CSMD3: variants seen among roughly 807,000 people sequenced by gnomAD.
The protein encoded by CSMD3 is CUB and Sushi multiple domains 3, also known as CUB and sushi domain-containing protein 3.
A neutral mutation model predicts 435.2 loss-of-function variants in CSMD3; 177 were observed. The ratio of observed to expected loss-of-function variants is 0.41; its 90% confidence interval spans 0.36 to 0.46. The LOEUF (loss-of-function observed/expected upper bound fraction) is 0.46, where lower values mean the gene tolerates loss of function less well. CSMD3 is among the 20% of genes least tolerant of loss of function. CSMD3 has a pLI of 0.34. For synonymous variants in CSMD3, 1,656 were observed against 1,520.5 expected (o/e 1.09, Z -2.07); for missense variants, 4,265 against 4,504.6 (o/e 0.95, Z 1.52).
chr8:112,663,691 C>A (rs2075446213), intron 17 of CSMD3, among the ~76,000 whole-genome samples: 1 of 151,884 alleles, frequency 6.6e-6, no homozygotes, highest in Non-Finnish European at 1.5e-5. Flanking sequence ...GAGATACAAG[C>A]AATTATTCCT....
chr8:112,474,580 A>C (rs993487141), intron 31 of CSMD3, among the ~76,000 whole-genome samples: 5 of 152,166 alleles, frequency 3.3e-5, no homozygotes, highest in Non-Finnish European at 5.9e-5. Context: ...ACTTGAGAAA[A>C]GGAGATTAGA....
intron 2 of CSMD3, chr8:113,312,680 A>G (rs1362120249): frequency 6.6e-6 from 1 of 152,184 alleles, no homozygotes; most frequent in African/African-American, 2.4e-5. Context: ...ATTTTTATAT[A>G]TTTAGGAAAA....
intron 35 of CSMD3, among the ~76,000 whole-genome samples, chr8:112,403,714 A>T (rs894112207): frequency 1.3e-5 from 2 of 151,528 alleles, no homozygotes; most frequent in Admixed American, 6.6e-5. Context: ...ACTTCTTAAT[A>T]CCCCCACATG....
At chr8:112,676,056 T>A (rs540964263) in intron 16 of CSMD3, among the ~76,000 whole-genome samples, 1 of 152,110 alleles carries the variant, frequency 6.6e-6, no homozygotes, top group African/African-American at 2.4e-5. Context: ...AGAGTTGCTA[T>A]TAATAATGGA....
chr8:112,976,804 C>A (rs1334684229), intron 6 of CSMD3, among the ~76,000 whole-genome samples: 1 of 151,786 alleles, frequency 6.6e-6, no homozygotes, highest in Non-Finnish European at 1.5e-5. Context: ...TTAGTTTAAC[C>A]AATTCTGAAC....
At chr8:112,522,465 G>A (rs1239042473) in intron 27 of CSMD3, among the ~76,000 whole-genome samples, 3 of 151,700 alleles carry the variant, frequency 2.0e-5, no homozygotes, top group Middle Eastern at 3.2e-3. Flanking sequence ...TAAGTAACAC[G>A]TCCTTATCAA....
chr8:112,471,751 C>A (rs1818545881), intron 32 of CSMD3, among the ~76,000 whole-genome samples: 1 of 152,168 alleles, frequency 6.6e-6, no homozygotes, highest in South Asian at 2.1e-4. Context: ...TGTCCTTCTG[C>A]TGATATACTG....
chr8:113,031,256 A>G (rs1226378008), intron 5 of CSMD3, among the ~76,000 whole-genome samples: 2 of 151,738 alleles, frequency 1.3e-5, no homozygotes, highest in Non-Finnish European at 2.9e-5. Flanking sequence ...ATGGTCTACA[A>G]CAGGTGAATG....
chr8:113,137,120 T>C (rs2091436410), intron 4 of CSMD3, among the ~76,000 whole-genome samples: 1 of 151,614 alleles, frequency 6.6e-6, no homozygotes, highest in Non-Finnish European at 1.5e-5. Context: ...TTGCCAAGAA[T>C]AATGAAGGTA....
chr8:112,554,752 G>A (rs1253344106), intron 25 of CSMD3, among the ~76,000 whole-genome samples: 1 of 151,912 alleles, frequency 6.6e-6, no homozygotes, highest in Non-Finnish European at 1.5e-5. Flanking sequence ...AGTGTTTAAA[G>A]AAGAGATACA....
intron 4 of CSMD3, among the ~76,000 whole-genome samples, chr8:113,150,331 C>G (rs2131779730): frequency 6.6e-6 from 1 of 151,976 alleles, no homozygotes; most frequent in East Asian, 1.9e-4. Flanking sequence ...CAGGTGAGGT[C>G]TTAGAAGTGA....
intron 2 of CSMD3, among the ~76,000 whole-genome samples, chr8:113,301,477 T>C (rs984279037): frequency 6.6e-6 from 1 of 152,024 alleles, no homozygotes; most frequent in Non-Finnish European, 1.5e-5. Flanking sequence ...ACTGTTATAG[T>C]TAGAAAACAT....
intron 32 of CSMD3, among the ~76,000 whole-genome samples, chr8:112,460,642 C>A (rs1376116631): frequency 1.3e-5 from 2 of 151,956 alleles, no homozygotes; most frequent in Non-Finnish European, 2.9e-5. Flanking sequence ...TTTTAATGGG[C>A]AAACTCTGTT....
chr8:112,688,374 A>G (rs558193252), intron 14 of CSMD3, among the ~76,000 whole-genome samples: 1 of 152,254 alleles, frequency 6.6e-6, no homozygotes, highest in South Asian at 2.1e-4. Flanking sequence ...ATGATACTTA[A>G]GCATCCACAG....
chr8:112,850,656 G>T (rs1029694926), intron 11 of CSMD3, among the ~76,000 whole-genome samples: 4 of 152,032 alleles, frequency 2.6e-5, no homozygotes, highest in African/African-American at 7.2e-5. Context: ...CAATTTTTTT[G>T]TGCCATTCAC....
chr8:112,261,033 T>C (rs1816341858), intron 61 of CSMD3, among the ~76,000 whole-genome samples: 2 of 152,116 alleles, frequency 1.3e-5, no homozygotes, highest in Admixed American at 1.3e-4. Context: ...TCTAGACCAC[T>C]ACTGTAATAA....
At chr8:112,391,436 G>A (rs551278775) in intron 35 of CSMD3, among the ~76,000 whole-genome samples, 4 of 152,216 alleles carry the variant, frequency 2.6e-5, no homozygotes, top group Non-Finnish European at 5.9e-5. Context: ...AGTGGCTCAC[G>A]CCTGTAATCC....
intron 5 of CSMD3, among the ~76,000 whole-genome samples, chr8:113,077,380 TA>T (rs1049097968): frequency 6.6e-6 from 1 of 151,704 alleles, no homozygotes; most frequent in African/African-American, 2.4e-5. Context: ...AAAACAGTTA[TA>T]AAAAAACCAT....
At chr8:113,394,360 C>A (rs953858946) in intron 1 of CSMD3, among the ~76,000 whole-genome samples, 2 of 151,832 alleles carry the variant, frequency 1.3e-5, no homozygotes, top group Non-Finnish European at 2.9e-5. Context: ...CATAGAAATT[C>A]TTTTTTACTG....
Sources: gnomAD v4.1 joint callset for allele counts (sites outside exome capture counted in the v4.1 genomes callset) on GRCh38, gnomAD v4.1.1 for gene constraint, MANE v1.5 for transcripts, NCBI Gene and HGNC (gene_info 2026-07-23, HGNC 2026-07-21) for gene names.